The following STAB1 variants were observed in gnomAD, a reference collection of about 807,000 sequenced individuals.
STAB1 encodes the protein stabilin 1.
STAB1 carries 250 observed loss-of-function variants against 332.4 expected under a neutral mutation model. The ratio of observed to expected loss-of-function variants is 0.75; its 90% CI spans 0.68 to 0.84. The LOEUF is 0.84. Ranked by LOEUF, STAB1 falls within the 40% of genes least tolerant of loss-of-function variation. The pLI is 0.00. For missense variants in STAB1, 3,249 were observed against 3,489.7 expected, an observed-to-expected ratio of 0.93 and a Z score of 1.74; for synonymous variants, 1,475 against 1,390.4, an observed-to-expected ratio of 1.06 and a Z score of -1.35.
In STAB1 at chr3:52,518,579, T is replaced by G; in HGVS notation, c.4853T>G (p.Val1618Gly). The change falls in exon 47 of 69, where the codon GTG (valine) becomes GGG (glycine). Residue 1618 changes from valine to glycine, a missense_variant. Physicochemically the swap from Val to Gly is moderately radical, Grantham distance 109 (BLOSUM62 -3). Transcript: ENST00000321725. ...LKGDGPFTIF[V>G]PHADLMSNLS... ...GGCGATGGGCCTTTCACCATCTTCG[T>G]GCCGCACGCAGATCTAATGAGCAAC... 2 of 1,601,826 alleles carry G rather than the reference T, an allele frequency of 1.2e-6. No homozygotes were observed. The highest frequency in any genetic ancestry group is 8.5e-7 in the Non-Finnish European group (1 of 1,174,416).
rs1250753436 is a variant in STAB1 at position 52,512,817 on chromosome 3, T to C, written c.3028-11T>C. 1 of 1,608,096 alleles carries C rather than the reference T, an allele frequency of 6.2e-7. No homozygotes were observed. Among genetic ancestry groups the C allele is most frequent in the South Asian group, 1.1e-5 (1 of 90,996 alleles). ...TCGCTCCTCCCGCCCCTGCTCCCTG[T>C]GTGCGTGCAGAGTGCCGGCATCACG... On this transcript the variant is annotated splice_polypyrimidine_tract_variant and intron_variant, in intron 28 of 68. Coordinates refer to ENST00000321725, the MANE Select transcript of STAB1 (RefSeq NM_015136.3).
Position 52,518,890 on chromosome 3 carries a change from G to GC in STAB1, c.5034+25dup, listed in dbSNP as rs749211207. 2.0e-6 allele frequency: 3 copies of GC among 1,519,790 alleles called. No homozygotes were observed. In the African/African-American group the frequency reaches 4.1e-5, roughly 21 times the overall value. 94.1% of individuals were successfully genotyped at this position (1,519,790 alleles called of 1,614,324 possible). On this transcript the variant is annotated intron_variant, in intron 48 of 68. Coordinates refer to ENST00000321725, the MANE Select transcript of STAB1 (RefSeq NM_015136.3). ...GGGAGGTGAGCCCTGGCCCTGGCCT[G>GC]CCCCGCTCCATCCCGCCCCGCCCCG...
chr3:52,500,786 G>A (rs1467170545), intron 1 of STAB1, among the ~76,000 whole-genome samples: 1 of 152,244 alleles, frequency 6.6e-6, no homozygotes, highest in Non-Finnish European at 1.5e-5. Flanking sequence ...AGATTGGGTA[G>A]CGGCCATGTC....
intron 1 of STAB1, among the ~76,000 whole-genome samples, chr3:52,498,517 TACAAAC>T (rs1708208928): frequency 6.6e-6 from 1 of 152,232 alleles, no homozygotes; most frequent in Non-Finnish European, 1.5e-5. Context: ...CACACACGTT[TACAAAC>T]ACCCAGGTCC....
At chr3:52,508,903 T>C (rs1010554) in intron 21 of STAB1, among the ~76,000 whole-genome samples, 82,328 of 151,984 alleles carry the variant, frequency 0.54, 23,458 homozygotes, top group South Asian at 0.74. Flanking sequence ...GGCTACTTGG[T>C]GGTTTTCTTT....
chr3:52,503,572 C>G (rs1361233790), intron 8 of STAB1, 32 bp downstream of exon 8: 13 of 1,604,796 alleles, frequency 8.1e-6, no homozygotes, highest in Non-Finnish European at 1.1e-5. Flanking sequence ...GAACTGTCCC[C>G]ACAGTGCACC....
rs1394647036 is a variant in STAB1, at chr3:52,511,661, C to T, written c.2799C>T (p.Thr933=). 1.9e-5 allele frequency: 31 copies of T among 1,610,410 alleles called. No individual in the cohort carries two copies. The highest frequency in any genetic ancestry group is 2.6e-5 in the Non-Finnish European group (31 of 1,178,434). Reference sequence around the variant, plus strand: ...CCTAACCTTTCCAGAGCCGATGCACCTGCAAGCTGGGCTTTGCCGGGGATG... The same window carrying T: ...CCTAACCTTTCCAGAGCCGATGCACTTGCAAGCTGGGCTTTGCCGGGGATG... ...SYVGPGQSRC[T]CKLGFAGDGY... Residue 933 remains threonine (T), a synonymous_variant, in exon 26 of 69, where the codon ACC becomes ACT. Transcript: ENST00000321725.
rs764362451 is a variant in STAB1, at chr3:52,503,850, T to G, written c.970T>G (p.Phe324Val). Reference protein sequence around the residue: ...SAGCFAFCSPFSCDRSATCQV... With the variant: ...SAGCFAFCSPVSCDRSATCQV... ...GGGCTGCTTCGCCTTCTGCTCCCCC[T>G]TCTCCTGCGACCGGTCTGCCACTTG... Residue 324 changes from phenylalanine to valine, a missense_variant, in exon 9 of 69, where the codon TTC becomes GTC. Transcript: ENST00000321725. 2.0e-5 allele frequency: 33 copies of G among 1,613,096 alleles called. No homozygotes were observed. Among genetic ancestry groups the G allele is most frequent in the Non-Finnish European group, 2.6e-5 (31 of 1,180,016 alleles).
chr3:52,509,851 T>C lies in STAB1; in HGVS notation c.2348-19T>C. ...GCCTCCTGCTTCTCAGTTTCCTTGC[T>C]CCCATCTACTCCATACAGACTGCGG... On this transcript the variant is annotated intron_variant, in intron 22 of 68. Coordinates refer to ENST00000321725, the MANE Select transcript of STAB1 (RefSeq NM_015136.3). 1 of 1,612,516 alleles carries C rather than the reference T, an allele frequency of 6.2e-7. No homozygotes were observed.
Position 52,506,776 on chromosome 3 carries a change from G to T in STAB1, c.1915G>T (p.Gly639Cys). ...AANGVIHMLDGILLPPTILPI... is the reference protein window; with the variant it reads ...AANGVIHMLDCILLPPTILPI... Reference sequence around the variant, plus strand: ...CAATGGTGTGATCCACATGCTGGACGGCATCCTGCTGCCCCCGACCATCCT... The same window carrying T: ...CAATGGTGTGATCCACATGCTGGACTGCATCCTGCTGCCCCCGACCATCCT... The change falls in exon 18 of 69, where the codon GGC (glycine) becomes TGC (cysteine). Residue 639 changes from glycine (G) to cysteine (C), a missense_variant. Physicochemically the swap from Gly to Cys is radical, Grantham distance 159. Transcript: ENST00000321725. The T allele has an allele frequency of 6.2e-7, 1 of 1,612,850 alleles. No individual in the cohort carries two copies. The highest frequency in any genetic ancestry group is 1.3e-5 in the African/African-American group (1 of 75,058).
intron 25 of STAB1, among the ~76,000 whole-genome samples, 160 bp downstream of exon 25, chr3:52,510,667 G>A (rs1373864366): frequency 6.6e-6 from 1 of 152,194 alleles, no homozygotes. Context: ...TCTGGGATTC[G>A]CTCCTTCATC....
At chr3:52,497,791 A>G (rs1017396948) in intron 1 of STAB1, among the ~76,000 whole-genome samples, 43 of 152,288 alleles carry the variant, frequency 2.8e-4, no homozygotes, top group African/African-American at 1.0e-3. Flanking sequence ...AGTCCCCCAT[A>G]GACACCAAGG....
Position 52,509,194 on chromosome 3 carries a change from T to G in STAB1, c.2236-16T>G. ...CCCTTTCCCATGACTGATCCTGCCT[T>G]CTGCTCACTCTCTAGTGCAGTGATG... On this transcript the variant is annotated splice_polypyrimidine_tract_variant and intron_variant, in intron 21 of 68. Coordinates refer to ENST00000321725, the MANE Select transcript of STAB1 (RefSeq NM_015136.3). 6.2e-7 allele frequency: 1 copy of G among 1,611,458 alleles called. No homozygotes were observed. The highest frequency in any genetic ancestry group is 8.5e-7 in the Non-Finnish European group (1 of 1,178,352).
chr3:52,503,203 A>G, intron 7 of STAB1, 94 bp downstream of exon 7: 1 of 1,496,888 alleles, frequency 6.7e-7, no homozygotes, highest in Non-Finnish European at 9.1e-7. Context: ...GTAATTCACA[A>G]GGAGGGAGAG....
chr3:52,501,532 G>A, intron 2 of STAB1, 106 bp from the exon 3 acceptor site: 1 of 1,190,282 alleles, frequency 8.4e-7, no homozygotes, highest in South Asian at 1.4e-5. Context: ...TCTGGGCCAG[G>A]CAGAGCAGGG....
intron 42 of STAB1, 50 bp from the exon 43 acceptor site, chr3:52,517,269 GA>G (rs768241593): frequency 7.9e-6 from 12 of 1,513,136 alleles, no homozygotes; most frequent in East Asian, 2.3e-5. Context: ...AAGGACAGAG[GA>G]AGGGGGGGGC....
Position 52,517,372 on chromosome 3 carries a change from C to T in STAB1, c.4542C>T (p.Cys1514=). Residue 1514 remains cysteine (C), a synonymous_variant, in exon 43 of 69, where the codon TGC becomes TGT. Coordinates refer to ENST00000321725, the MANE Select transcript of STAB1 (RefSeq NM_015136.3). The stretch of plus-strand genomic sequence containing the variant: ...GGGGCTGCCACATTCACGCCGAGTG[C>T]ATCCCCACTGGCCCCCAGCAGGTCA... ...HHGGCHIHAE[C]IPTGPQQVSC... 1 of 1,605,200 alleles carries T rather than the reference C, an allele frequency of 6.2e-7. No homozygotes were observed. The highest frequency in any genetic ancestry group is 1.7e-5 in the Admixed American group (1 of 58,466).
chr3:52,506,904 G>A (rs990831163), intron 18 of STAB1, 54 bp downstream of exon 18: 3 of 1,590,840 alleles, frequency 1.9e-6, no homozygotes, highest in Non-Finnish European at 1.7e-6. Flanking sequence ...GTCAGCGCTG[G>A]AGCGGCAATC....
Position 52,522,655 on chromosome 3 carries a change from TG to T in STAB1, c.6712del (p.Ala2238LeufsTer45). The T allele has an allele frequency of 6.2e-7, 1 of 1,612,886 alleles. No individual in the cohort carries two copies. The highest frequency in any genetic ancestry group is 8.5e-7 in the Non-Finnish European group (1 of 1,179,986). ...AACEAQGAVLASFPQLSAAQQ... is the reference protein window; with the variant it reads ...AACEAQGAVLXSFPQLSAAQQ... Reference sequence around the variant, plus strand: ...CATGCGAAGCACAGGGAGCCGTCCTTGCTTCATTCCCTCAGCTCTCTGCTGC... The same window carrying T: ...CATGCGAAGCACAGGGAGCCGTCCTTCTTCATTCCCTCAGCTCTCTGCTGC... On this transcript the variant is annotated frameshift_variant, in exon 61 of 69. Coordinates refer to ENST00000321725, the MANE Select transcript of STAB1 (RefSeq NM_015136.3). LOFTEE classifies it high-confidence loss of function.
Sources: allele counts gnomAD v4.1 joint callset (sites outside exome capture counted in the v4.1 genomes callset), GRCh38; gene constraint gnomAD v4.1.1; transcripts MANE v1.5; gene names NCBI Gene and HGNC (gene_info 2026-07-23, HGNC 2026-07-21).